Variants in NWD2 observed in about 807,000 individuals in gnomAD.
NWD2 encodes NACHT and WD repeat domain containing 2.
A neutral mutation model predicts 132.7 loss-of-function variants in NWD2; 37 were observed. The ratio of observed to expected loss-of-function variants is 0.28; its 90% confidence interval spans 0.21 to 0.37. NWD2 has a LOEUF of 0.37. Among genes scored for constraint, NWD2 ranks in the 10% least tolerant of loss-of-function variants. The probability of loss-of-function intolerance (pLI) is 1.00; values close to 1 mark genes in which losing one functional copy is unlikely to be tolerated. For synonymous variants in NWD2, 705 were observed against 803.0 expected (o/e 0.88, Z 2.06); for missense variants, 1,592 against 2,122.4 (o/e 0.75, Z 4.91).
intron 3 of NWD2, among the ~76,000 whole-genome samples, chr4:37,356,834 A>G (rs1041885248): frequency 6.6e-6 from 1 of 152,212 alleles, no homozygotes; most frequent in Non-Finnish European, 1.5e-5. Context: ...ATATTCCATC[A>G]TAGTGCTTCT....
At position 37,449,205 on chromosome 4, in the gene NWD2, A is replaced by C. The variant is rs900646933; in HGVS notation, c.*1988A>C. On this transcript the variant is annotated 3_prime_UTR_variant, in exon 7 of 7. Transcript: ENST00000309447. ...ATTAAATGTAGTATGTGAATGTTCT[A>C]TGTAAAAGCCAATAGAGTATACAAG... 1.3e-5 allele frequency: 2 copies of C among 152,260 alleles called. No individual in the cohort carries two copies. Among genetic ancestry groups the C allele is most frequent in the African/African-American group, 4.8e-5 (2 of 41,474 alleles). The allele number at this position is 152,260 out of a possible 1,614,324, so 9.4% of individuals were successfully genotyped here.
chr4:37,427,577 C>A lies in NWD2; in HGVS notation c.358-2995C>A, dbSNP rs185901365. The stretch of plus-strand genomic sequence containing the variant: ...AATACAGTGGGTTGGGATTAGCACA[C>A]CCTCTGTAGAAGCCTCATATACCAT... On this transcript the variant is annotated intron_variant, in intron 3 of 6. Coordinates refer to ENST00000309447, the MANE Select transcript of NWD2 (RefSeq NM_001144990.2). 2.7e-4 allele frequency among the ~76,000 whole-genome samples: 41 copies of A among 152,282 alleles called. No individual in the cohort carries two copies. The East Asian group carries it at 7.7e-3, about 29-fold the overall frequency.
At chr4:37,416,488 C>A (rs1711601810) in intron 3 of NWD2, among the ~76,000 whole-genome samples, 1 of 152,008 alleles carries the variant, frequency 6.6e-6, no homozygotes, top group Admixed American at 6.6e-5. Context: ...AAAGGGAACA[C>A]TTTTACACTG....
intron 1 of NWD2, 53 bp downstream of exon 1, chr4:37,245,271 G>T (rs888741133): frequency 1.3e-6 from 2 of 1,487,998 alleles, no homozygotes; most frequent in African/African-American, 2.8e-5. Context: ...TCAGCGCTGC[G>T]GGAGCTGGAG....
chr4:37,330,235 T>C (rs975226285), intron 2 of NWD2, among the ~76,000 whole-genome samples: 6 of 152,130 alleles, frequency 3.9e-5, no homozygotes, highest in African/African-American at 1.4e-4. Flanking sequence ...CTATATGTGA[T>C]GGGTACATAT....
In NWD2 at chr4:37,287,912, A is replaced by C. The variant is rs141761797; in HGVS notation, c.152-38024A>C. On this transcript the variant is annotated intron_variant, in intron 1 of 6. Coordinates refer to ENST00000309447, the MANE Select transcript of NWD2 (RefSeq NM_001144990.2). ...ATAGCAAAGTCATGGAACCAACCCA[A>C]ATGCCCATCAATGATAGACTGGATA... 2.0e-4 allele frequency among the ~76,000 whole-genome samples: 30 copies of C among 152,360 alleles called. No homozygotes were observed. In the East Asian group the frequency reaches 5.8e-3, roughly 29 times the overall value.
intron 3 of NWD2, 50 bp from the exon 4 acceptor site, chr4:37,430,522 A>G (rs918305890): frequency 1.5e-6 from 2 of 1,326,546 alleles, no homozygotes; most frequent in African/African-American, 2.9e-5. Context: ...GAATACTAAA[A>G]TGAACTTTCT....
At chr4:37,267,567 G>A (rs1717780892) in intron 1 of NWD2, among the ~76,000 whole-genome samples, 1 of 151,902 alleles carries the variant, frequency 6.6e-6, no homozygotes, top group South Asian at 2.1e-4. Context: ...TTTGAATTGA[G>A]GACCTCACCC....
rs186353641 is a variant in NWD2, at chr4:37,397,912, T to G, written c.358-32660T>G. 2.2e-4 allele frequency among the ~76,000 whole-genome samples: 34 copies of G among 152,292 alleles called. 1 individual carries two copies. The East Asian group carries it at 4.8e-3, about 22-fold the overall frequency. On this transcript the variant is annotated intron_variant, in intron 3 of 6. Coordinates refer to ENST00000309447, the MANE Select transcript of NWD2 (RefSeq NM_001144990.2). ...CTATGGCTGTAGAAGGGTCTCATTG[T>G]GAGCACTCATTTGGTGGAAGCCTAT...
Position 37,443,944 on chromosome 4 carries a change from G to A in NWD2, c.1956G>A (p.Lys652=). 1.3e-6 allele frequency: 2 copies of A among 1,552,388 alleles called. No individual in the cohort carries two copies. The highest frequency in any genetic ancestry group is 1.4e-5 in the African/African-American group (1 of 73,178). The change falls in exon 7 of 7, where the codon AAG becomes AAA. Residue 652 remains lysine (K), a synonymous_variant. Transcript: ENST00000309447. The surrounding 1 kb of genome is among the most constrained non-coding windows in gnomAD (Gnocchi z 4.1). ...IEQLFWSLEK[K]CGQKLVSRAL... is the part of the protein sequence containing the mutation. ...AGTTATTCTGGTCCTTGGAGAAGAA[G>A]TGTGGTCAGAAACTGGTCTCTAGGG...
At chr4:37,294,603 C>T (rs1465645797) in intron 1 of NWD2, among the ~76,000 whole-genome samples, 1 of 152,150 alleles carries the variant, frequency 6.6e-6, no homozygotes, top group Non-Finnish European at 1.5e-5. Flanking sequence ...TGTAGATATT[C>T]CAGTGAAATG....
intron 3 of NWD2, among the ~76,000 whole-genome samples, chr4:37,379,994 G>A (rs996660772): frequency 6.6e-6 from 1 of 152,212 alleles, no homozygotes; most frequent in Non-Finnish European, 1.5e-5. Context: ...AGAAGCATTT[G>A]AACTTGGCTC....
At chr4:37,277,102 T>G (rs1289676904) in intron 1 of NWD2, among the ~76,000 whole-genome samples, 1 of 150,866 alleles carries the variant, frequency 6.6e-6, no homozygotes, top group Admixed American at 6.6e-5. Context: ...CTGCACATTG[T>G]GCACATGTAC....
chr4:37,340,567 G>T (rs1719497083), intron 2 of NWD2, among the ~76,000 whole-genome samples: 1 of 152,172 alleles, frequency 6.6e-6, no homozygotes, highest in African/African-American at 2.4e-5. Flanking sequence ...GAAATACAGG[G>T]TGCACTGGGC....
At chr4:37,378,623 TTTTTA>T in intron 3 of NWD2, among the ~76,000 whole-genome samples, 1 of 152,350 alleles carries the variant, frequency 6.6e-6, no homozygotes. Context: ...AATGGTTTGT[TTTTTA>T]TTTTTTTTCT....
Position 37,359,599 on chromosome 4 carries a change from G to GA in NWD2, c.357+3129dup, listed in dbSNP as rs35375267. Among the ~76,000 whole-genome samples, 455 of 146,172 alleles carry GA rather than the reference G, an allele frequency of 3.1e-3. 3 individuals carry two copies. The highest frequency in any genetic ancestry group is 7.0e-3 in the Middle Eastern group (2 of 284). On this transcript the variant is annotated intron_variant, in intron 3 of 6. Transcript: ENST00000309447. ...GCAAGGAAATTCACCACTGCTGAAT[G>GA]AAAAAAAAAAAAGTTTTTATATCTT...
intron 3 of NWD2, among the ~76,000 whole-genome samples, chr4:37,412,802 A>G (rs540748068): frequency 7.2e-5 from 11 of 152,352 alleles, no homozygotes; most frequent in African/African-American, 2.6e-4. Flanking sequence ...AATAGAACAG[A>G]ACACAGGCCT....
chr4:37,433,698 A>G (rs1030490711), intron 4 of NWD2, among the ~76,000 whole-genome samples, 178 bp from the exon 5 acceptor site: 2 of 152,214 alleles, frequency 1.3e-5, no homozygotes, highest in African/African-American at 4.8e-5. Flanking sequence ...TTCACATGCA[A>G]CACAGAAATA....
intron 1 of NWD2, among the ~76,000 whole-genome samples, chr4:37,287,392 G>A (rs1441306640): frequency 1.3e-5 from 2 of 152,212 alleles, no homozygotes; most frequent in Admixed American, 1.3e-4. Context: ...AACATACTAA[G>A]CAACCTGGGT....
Sources: gnomAD v4.1 joint callset for allele counts (sites outside exome capture counted in the v4.1 genomes callset) on GRCh38, gnomAD v4.1.1 for gene constraint, Gnocchi (gnomAD v3.1) non-coding constraint, MANE v1.5 for transcripts, NCBI Gene and HGNC (gene_info 2026-07-23, HGNC 2026-07-21) for gene names.